NBEA: variants seen among roughly 807,000 people sequenced by gnomAD.
The protein encoded by NBEA is lysosomal-trafficking regulator 2.
In NBEA, 44 loss-of-function variants were observed where a neutral mutation model predicts 343.4. The ratio of observed to expected loss-of-function variants is 0.13; its 90% CI spans 0.10 to 0.16. The LOEUF is 0.16. Ranked by LOEUF, NBEA falls within the 10% of genes least tolerant of loss-of-function variation. NBEA has a pLI of 1.00. For missense variants in NBEA, 2,555 were observed against 3,631.3 expected, an observed-to-expected ratio of 0.70 and a Z score of 7.62; for synonymous variants, 1,175 against 1,238.7, an observed-to-expected ratio of 0.95 and a Z score of 1.08.
chr13:35,552,444 G>A (rs1041105632), intron 43 of NBEA, among the ~76,000 whole-genome samples: 1 of 152,124 alleles, frequency 6.6e-6, no homozygotes, highest in Non-Finnish European at 1.5e-5. Context: ...AGATAATGAA[G>A]CACTTATATA....
chr13:35,090,471 C>A (rs1205731456), intron 10 of NBEA, among the ~76,000 whole-genome samples: 1 of 151,910 alleles, frequency 6.6e-6, no homozygotes, highest in Non-Finnish European at 1.5e-5. Context: ...GGTTTCTTAG[C>A]TGGTAAAATT....
At chr13:35,126,158 C>T (rs2067123633) in intron 17 of NBEA, among the ~76,000 whole-genome samples, 3 of 152,076 alleles carry the variant, frequency 2.0e-5, no homozygotes, top group South Asian at 2.1e-4. Flanking sequence ...AATAGTGAGT[C>T]GCATGAGATC....
chr13:35,242,116 CA>C (rs773183772), intron 34 of NBEA, among the ~76,000 whole-genome samples: 8 of 151,854 alleles, frequency 5.3e-5, no homozygotes, highest in Non-Finnish European at 1.0e-4. Context: ...TAATTTAAAA[CA>C]ACTGTCTTTA....
intron 20 of NBEA, 25 bp downstream of exon 20, chr13:35,156,231 A>C: frequency 6.6e-7 from 1 of 1,526,152 alleles, no homozygotes; most frequent in Non-Finnish European, 8.8e-7. Flanking sequence ...TACTGTAACA[A>C]CACTTTATTC....
At chr13:35,532,867 T>C (rs898674624) in intron 41 of NBEA, among the ~76,000 whole-genome samples, 2 of 152,124 alleles carry the variant, frequency 1.3e-5, no homozygotes, top group African/African-American at 4.8e-5. Flanking sequence ...GAACCTAATT[T>C]CTAAGGCACT....
At chr13:35,650,158 AC>A (rs1437982754) in intron 52 of NBEA, among the ~76,000 whole-genome samples, 2 of 152,028 alleles carry the variant, frequency 1.3e-5, no homozygotes, top group South Asian at 2.1e-4. Context: ...AAAAAAATAC[AC>A]CCTTCTTTTT....
At chr13:35,269,473 C>A (rs1446567140) in intron 34 of NBEA, among the ~76,000 whole-genome samples, 3 of 152,086 alleles carry the variant, frequency 2.0e-5, no homozygotes, top group African/African-American at 7.2e-5. Context: ...GATGCATATT[C>A]CCTCTTACTA....
chr13:35,044,996 CAAG>C lies in NBEA; in HGVS notation c.577_579del (p.Lys193del). On this transcript the variant is annotated inframe_deletion, in exon 3 of 59. Transcript: ENST00000379939. The stretch of plus-strand genomic sequence containing the variant: ...TTCTTGCCAGCTACAGCATCACTGT[CAAG>C]GAGTTGAAGCTTTTGTTCAGCATGC... The C allele has an allele frequency of 6.2e-7, 1 of 1,611,924 alleles. No homozygotes were observed. Among genetic ancestry groups the C allele is most frequent in the Non-Finnish European group, 8.5e-7 (1 of 1,179,008 alleles).
At chr13:35,165,771 G>A (rs1224057101) in intron 24 of NBEA, among the ~76,000 whole-genome samples, 5 of 149,574 alleles carry the variant, frequency 3.3e-5, no homozygotes, top group Non-Finnish European at 5.9e-5. Context: ...TGCAACCTCC[G>A]CCTCCTGGGT....
At chr13:35,328,427 C>G (rs1051926921) in intron 36 of NBEA, among the ~76,000 whole-genome samples, 3 of 151,666 alleles carry the variant, frequency 2.0e-5, no homozygotes, top group Non-Finnish European at 4.4e-5. Context: ...AGGAATAATG[C>G]CTAGTATTCA....
At chr13:35,596,593 G>A (rs1198465718) in intron 47 of NBEA, among the ~76,000 whole-genome samples, 4 of 152,082 alleles carry the variant, frequency 2.6e-5, no homozygotes, top group African/African-American at 9.7e-5. Flanking sequence ...AGAGGTCTCT[G>A]GAGTTGAGTC....
chr13:35,496,980 A>G (rs934672689), intron 41 of NBEA, among the ~76,000 whole-genome samples: 6 of 152,092 alleles, frequency 3.9e-5, no homozygotes, highest in Non-Finnish European at 8.8e-5. Context: ...CTAAAGAACC[A>G]TGAAGCAACT....
chr13:35,107,279 C>T (rs2065966739), intron 11 of NBEA, among the ~76,000 whole-genome samples: 1 of 151,446 alleles, frequency 6.6e-6, no homozygotes, highest in Non-Finnish European at 1.5e-5. Flanking sequence ...TTTTGGTTCC[C>T]CCCCCTTTAT....
At chr13:35,255,373 G>A (rs1011714836) in intron 34 of NBEA, among the ~76,000 whole-genome samples, 14 of 152,202 alleles carry the variant, frequency 9.2e-5, no homozygotes, top group East Asian at 1.9e-4. Flanking sequence ...GGCTCATTCC[G>A]CCCACTTGGC....
At chr13:35,660,229 C>T (rs1306475262) in intron 55 of NBEA, among the ~76,000 whole-genome samples, 1 of 152,192 alleles carries the variant, frequency 6.6e-6, no homozygotes, top group African/African-American at 2.4e-5. Context: ...TCAACAGACA[C>T]TCAAAATACA....
chr13:35,486,059 GTTC>G (rs2076293135), intron 41 of NBEA, among the ~76,000 whole-genome samples: 1 of 147,750 alleles, frequency 6.8e-6, no homozygotes, highest in South Asian at 2.2e-4. Context: ...GGGAAAATAT[GTTC>G]TTCTCTTCAC....
chr13:35,507,924 C>A (rs1305336600), intron 41 of NBEA, among the ~76,000 whole-genome samples: 1 of 152,058 alleles, frequency 6.6e-6, no homozygotes, highest in Non-Finnish European at 1.5e-5. Context: ...CTGGAGTCAA[C>A]CAAAGTTCCA....
chr13:35,019,273 GT>G (rs1286640317), intron 1 of NBEA, among the ~76,000 whole-genome samples: 1 of 150,620 alleles, frequency 6.6e-6, no homozygotes, highest in Admixed American at 6.6e-5. Flanking sequence ...GTTTTGAAAT[GT>G]TCCTTTCATT....
chr13:35,016,589 TACACACACACAC>T (rs66655195), intron 1 of NBEA, among the ~76,000 whole-genome samples: 5 of 148,172 alleles, frequency 3.4e-5, no homozygotes, highest in Non-Finnish European at 7.5e-5. Flanking sequence ...TGTATGTGTA[TACACACACACAC>T]ACACACACAC....
Sources: allele counts gnomAD v4.1 joint callset (sites outside exome capture counted in the v4.1 genomes callset), GRCh38; gene constraint gnomAD v4.1.1; transcripts MANE v1.5; gene names NCBI Gene and HGNC (gene_info 2026-07-23, HGNC 2026-07-21).